Variants in MTX2 observed in about 807,000 individuals in gnomAD.
The protein encoded by MTX2 is metaxin 2.
In MTX2, 35 loss-of-function variants were observed where a neutral mutation model predicts 42.3. The observed-to-expected ratio is 0.83, with a 90% CI of 0.63 to 1.10. The LOEUF is 1.10. Among genes scored for constraint, MTX2 ranks in the 50% least tolerant of loss-of-function variants. The pLI is 0.00. For missense variants in MTX2, 307 were observed against 304.1 expected (o/e 1.01, Z -0.07); for synonymous variants, 119 against 100.9 (o/e 1.18, Z -1.08).
intron 3 of MTX2, among the ~76,000 whole-genome samples, chr2:176,309,073 G>T (rs564097898): frequency 2.0e-5 from 3 of 152,308 alleles, no homozygotes; most frequent in South Asian, 2.1e-4. Flanking sequence ...ATGTGTTCCA[G>T]AGATTCTGAT....
chr2:176,292,493 A>G (rs1364709052), intron 1 of MTX2, among the ~76,000 whole-genome samples: 2 of 152,202 alleles, frequency 1.3e-5, no homozygotes, highest in African/African-American at 4.8e-5. Context: ...CTTGGGAAAG[A>G]GAAGTGTAGG....
intron 3 of MTX2, among the ~76,000 whole-genome samples, chr2:176,311,000 C>G (rs1031421930): frequency 3.9e-5 from 6 of 152,166 alleles, no homozygotes; most frequent in Non-Finnish European, 8.8e-5. Flanking sequence ...GAATTTTTAG[C>G]TTTTCTGCTC....
intron 1 of MTX2, among the ~76,000 whole-genome samples, chr2:176,286,049 A>C (rs974727042): frequency 2.0e-5 from 3 of 152,146 alleles, no homozygotes; most frequent in African/African-American, 7.2e-5. Context: ...CTTGTTGATT[A>C]TGACCTTCTT....
intron 1 of MTX2, among the ~76,000 whole-genome samples, chr2:176,278,040 GGTT>G (rs1205929128): frequency 1.1e-4 from 14 of 128,994 alleles, no homozygotes; most frequent in Admixed American, 2.5e-4. Context: ...GGTTGAAACT[GGTT>G]TTTTTTTTTT....
intron 1 of MTX2, among the ~76,000 whole-genome samples, chr2:176,280,629 A>G (rs934305988): frequency 6.6e-6 from 1 of 152,312 alleles, no homozygotes; most frequent in East Asian, 1.9e-4. Flanking sequence ...CATAAAAGCA[A>G]TAAGCAACAT....
intron 3 of MTX2, 24 bp downstream of exon 3, chr2:176,297,919 T>A (rs761683950): frequency 1.3e-6 from 2 of 1,522,442 alleles, no homozygotes; most frequent in East Asian, 4.8e-5. Context: ...TAATGTAATA[T>A]CTTTTTCACC....
intron 1 of MTX2, among the ~76,000 whole-genome samples, chr2:176,276,820 C>G (rs539206875): frequency 6.6e-6 from 1 of 151,936 alleles, no homozygotes; most frequent in Non-Finnish European, 1.5e-5. Flanking sequence ...ATTACTCCAC[C>G]GGTGCCTTGC....
At chr2:176,311,185 G>C (rs1333141040) in intron 3 of MTX2, among the ~76,000 whole-genome samples, 1 of 152,144 alleles carries the variant, frequency 6.6e-6, no homozygotes, top group Admixed American at 6.5e-5. Context: ...GGAGTTTGCT[G>C]GAGGTCCACT....
chr2:176,322,701 G>A (rs1046628915), intron 3 of MTX2, among the ~76,000 whole-genome samples: 12 of 151,954 alleles, frequency 7.9e-5, no homozygotes, highest in African/African-American at 2.2e-4. Context: ...ATATTATAAT[G>A]TGTACATTTT....
At chr2:176,312,433 A>G (rs1318976248) in intron 3 of MTX2, among the ~76,000 whole-genome samples, 1 of 152,212 alleles carries the variant, frequency 6.6e-6, no homozygotes, top group Non-Finnish European at 1.5e-5. Flanking sequence ...CAGTTTTATC[A>G]GTGTGTATGA....
At chr2:176,327,508 T>C (rs1033595896) in intron 5 of MTX2, among the ~76,000 whole-genome samples, 42 of 150,510 alleles carry the variant, frequency 2.8e-4, no homozygotes, top group Non-Finnish European at 2.2e-4. Context: ...GTATATATCA[T>C]CCTTTCACAT....
At chr2:176,310,380 G>C (rs1467201873) in intron 3 of MTX2, among the ~76,000 whole-genome samples, 1 of 152,068 alleles carries the variant, frequency 6.6e-6, no homozygotes, top group African/African-American at 2.4e-5. Context: ...ATGTGTGTTG[G>C]GGTTGCTCTT....
At chr2:176,289,273 G>C (rs531648388) in intron 1 of MTX2, among the ~76,000 whole-genome samples, 2 of 151,952 alleles carry the variant, frequency 1.3e-5, no homozygotes, top group Non-Finnish European at 2.9e-5. Flanking sequence ...GCTTTCAGAA[G>C]TTCAAGAATA....
chr2:176,328,536 C>T (rs1307267510), intron 6 of MTX2, 151 bp downstream of exon 6: 5 of 563,772 alleles, frequency 8.9e-6, no homozygotes, highest in African/African-American at 3.9e-5. Context: ...TTGATTATTA[C>T]CTTTGAACAA....
chr2:176,275,300 A>G (rs1692921131), intron 1 of MTX2, among the ~76,000 whole-genome samples: 1 of 151,378 alleles, frequency 6.6e-6, no homozygotes, highest in Admixed American at 6.6e-5. Flanking sequence ...GGGCAGTGGC[A>G]CAACCTTGGC....
At chr2:176,315,793 AGG>A (rs1243857286) in intron 3 of MTX2, among the ~76,000 whole-genome samples, 3 of 152,176 alleles carry the variant, frequency 2.0e-5, no homozygotes, top group Non-Finnish European at 4.4e-5. Context: ...AGCCTGCTTC[AGG>A]TGTTTAAACT....
intron 1 of MTX2, among the ~76,000 whole-genome samples, chr2:176,280,064 A>G (rs1349379829): frequency 6.6e-6 from 1 of 152,132 alleles, no homozygotes; most frequent in African/African-American, 2.4e-5. Context: ...TGTTTCCTCA[A>G]TCTGTGAATA....
chr2:176,283,962 C>CT lies in MTX2; in HGVS notation c.41-12888dup, dbSNP rs530351883. On this transcript the variant is annotated intron_variant, in intron 1 of 9. Transcript: ENST00000249442. ...AGAAAAACTCATAGTATCAGTGCTT[C>CT]TTTTTTTTTTAAATTTCAGATTACC... Among the ~76,000 whole-genome samples, 36 of 146,676 alleles carry CT rather than the reference C, an allele frequency of 2.5e-4. 1 individual carries two copies. Among genetic ancestry groups the CT allele is most frequent in the Admixed American group, 1.8e-3 (27 of 14,760 alleles).
At chr2:176,336,879 T>C (rs975339476) in intron 9 of MTX2, among the ~76,000 whole-genome samples, 7 of 152,144 alleles carry the variant, frequency 4.6e-5, no homozygotes, top group African/African-American at 1.4e-4. Flanking sequence ...GTCTTTCAAG[T>C]ATCCACAGGA....
Sources: allele counts gnomAD v4.1 joint callset (sites outside exome capture counted in the v4.1 genomes callset), GRCh38; gene constraint gnomAD v4.1.1; transcripts MANE v1.5; gene names NCBI Gene and HGNC (gene_info 2026-07-23, HGNC 2026-07-21).